The following DACH2 variants were observed in gnomAD, a reference collection of about 807,000 sequenced individuals.
DACH2 encodes the protein dachshund family transcription factor 2, also known as dachshund homolog 2.
Under a neutral mutation model 35.8 loss-of-function variants are expected in DACH2, and 17 were observed. The observed-to-expected ratio is 0.48, with a 90% CI of 0.33 to 0.71. The LOEUF is 0.71. Among genes scored for constraint, DACH2 ranks in the 30% least tolerant of loss-of-function variants. The pLI is 0.02. For synonymous variants in DACH2, 195 were observed against 177.3 expected, an observed-to-expected ratio of 1.10 and a Z score of -0.79; for missense variants, 469 against 472.7, an observed-to-expected ratio of 0.99 and a Z score of 0.07.
chrX:86,431,968 T>G (rs1053075771), intron 2 of DACH2, among the ~76,000 whole-genome samples: 22 of 112,285 alleles, frequency 2.0e-4, no homozygotes, highest in African/African-American at 7.1e-4. Context: ...TTAGAGTTTT[T>G]ACAGTCTCAG....
chrX:86,815,126 C>A (rs1205984144), intron 10 of DACH2, among the ~76,000 whole-genome samples: 3 of 111,629 alleles, frequency 2.7e-5, no homozygotes, highest in African/African-American at 6.5e-5. Context: ...AACCACCCTG[C>A]ACCTAAAATG....
chrX:86,605,504 C>T (rs192316896), intron 3 of DACH2, among the ~76,000 whole-genome samples: 1 of 110,444 alleles, frequency 9.1e-6, no homozygotes, highest in East Asian at 2.9e-4. Flanking sequence ...TAAAAAAAAT[C>T]TTTGTTCTTT....
At chrX:86,634,619 G>A (rs1207378970) in intron 3 of DACH2, among the ~76,000 whole-genome samples, 1 of 111,026 alleles carries the variant, frequency 9.0e-6, no homozygotes, top group East Asian at 2.9e-4. Context: ...ACAAAATCAA[G>A]GTATGAAAAT....
chrX:86,211,442 G>C (rs1249546694), intron 1 of DACH2, among the ~76,000 whole-genome samples: 1 of 111,470 alleles, frequency 9.0e-6, no homozygotes, highest in Non-Finnish European at 1.9e-5. Flanking sequence ...GGGATGTCAA[G>C]CATAGCTGGC....
intron 7 of DACH2, among the ~76,000 whole-genome samples, chrX:86,800,594 A>G (rs139379602): frequency 0.13 from 14,819 of 111,867 alleles, 886 homozygotes; most frequent in South Asian, 0.41. Flanking sequence ...AGCATTACTA[A>G]TAGATACAAA....
At chrX:86,234,015 A>G (rs1210505286) in intron 1 of DACH2, among the ~76,000 whole-genome samples, 2 of 112,144 alleles carry the variant, frequency 1.8e-5, no homozygotes, top group East Asian at 5.6e-4. Flanking sequence ...TTTGTAGAGG[A>G]AATGCTTTAT....
At chrX:86,296,538 G>A (rs1347103790) in intron 1 of DACH2, among the ~76,000 whole-genome samples, 10 of 111,040 alleles carry the variant, frequency 9.0e-5, no homozygotes, top group Admixed American at 9.6e-5. Flanking sequence ...ATAAATGAAA[G>A]AATTATTGGC....
chrX:86,328,009 C>T (rs1201419644), intron 1 of DACH2, among the ~76,000 whole-genome samples: 1 of 111,691 alleles, frequency 9.0e-6, no homozygotes, highest in African/African-American at 3.2e-5. Flanking sequence ...TACTGCAATA[C>T]TTGTTTTTTT....
intron 3 of DACH2, among the ~76,000 whole-genome samples, chrX:86,603,917 T>C (rs1164279063): frequency 5.4e-5 from 6 of 111,296 alleles, no homozygotes; most frequent in African/African-American, 1.6e-4. Context: ...TATTTAGAAG[T>C]GTGGTGTTTA....
At chrX:86,420,131 A>G (rs2036777815) in intron 2 of DACH2, among the ~76,000 whole-genome samples, 1 of 112,054 alleles carries the variant, frequency 8.9e-6, no homozygotes, top group Non-Finnish European at 1.9e-5. Context: ...CTCATAGAGA[A>G]CAAAAACAGT....
chrX:86,375,968 T>C (rs2035959988), intron 1 of DACH2, among the ~76,000 whole-genome samples: 1 of 110,818 alleles, frequency 9.0e-6, no homozygotes. Flanking sequence ...ACAGGTTTTT[T>C]TGCATGTCAT....
chrX:86,743,014 A>T (rs1319966713), intron 7 of DACH2, among the ~76,000 whole-genome samples: 1 of 111,640 alleles, frequency 9.0e-6, no homozygotes, highest in Non-Finnish European at 1.9e-5. Flanking sequence ...CCTTTGTATT[A>T]CATATTTACT....
chrX:86,364,557 C>T (rs1345428129), intron 1 of DACH2, among the ~76,000 whole-genome samples: 2 of 110,982 alleles, frequency 1.8e-5, no homozygotes, highest in Non-Finnish European at 3.8e-5. Flanking sequence ...CTAAGGAATC[C>T]TAAACAAGGG....
chrX:86,624,060 C>CAA (rs34140706), intron 3 of DACH2, among the ~76,000 whole-genome samples: 1,350 of 35,963 alleles, frequency 0.038, 44 homozygotes, highest in Non-Finnish European at 0.045. Context: ...AAAAACAAAA[C>CAA]AAAAAAAAAA....
chrX:86,201,071 T>C (rs1199781057), intron 1 of DACH2, among the ~76,000 whole-genome samples: 3 of 111,527 alleles, frequency 2.7e-5, no homozygotes, highest in Non-Finnish European at 5.7e-5. Flanking sequence ...ATAAAGAAGA[T>C]GTGGTAAATA....
intron 7 of DACH2, among the ~76,000 whole-genome samples, chrX:86,741,575 G>C (rs2041656432): frequency 8.9e-6 from 1 of 111,981 alleles, no homozygotes; most frequent in Admixed American, 9.5e-5. Flanking sequence ...ACGTCTTCTA[G>C]CTTTACTCTT....
At chrX:86,679,152 T>A (rs2040851809) in intron 4 of DACH2, among the ~76,000 whole-genome samples, 1 of 112,158 alleles carries the variant, frequency 8.9e-6, no homozygotes, top group African/African-American at 3.2e-5. Flanking sequence ...ATGTCTGAAC[T>A]GTCTAGACTG....
intron 1 of DACH2, among the ~76,000 whole-genome samples, chrX:86,181,285 A>C (rs1251894809): frequency 9.1e-6 from 1 of 110,241 alleles, no homozygotes; most frequent in East Asian, 2.8e-4. Flanking sequence ...TGCTGCACCC[A>C]TCAACCCGTC....
In DACH2 at chrX:86,306,410, G is replaced by T. The variant is rs531430529; in HGVS notation, c.489-70414G>T. ...CCTAAATAAGTTGATGTCTGTGATG[G>T]TTAATACTGAGTGTCAACTTGATTG... On this transcript the variant is annotated intron_variant, in intron 1 of 11. Coordinates refer to ENST00000373125, the MANE Select transcript of DACH2 (RefSeq NM_053281.3). Among the ~76,000 whole-genome samples, 39 of 112,007 alleles carry T rather than the reference G, an allele frequency of 3.5e-4. No homozygotes were observed. The South Asian group carries it at 0.013, about 38-fold the overall frequency.
Sources: gnomAD v4.1 joint callset for allele counts (sites outside exome capture counted in the v4.1 genomes callset) on GRCh38, gnomAD v4.1.1 for gene constraint, MANE v1.5 for transcripts, NCBI Gene and HGNC (gene_info 2026-07-23, HGNC 2026-07-21) for gene names.